Variants in OPCML observed in about 807,000 individuals in gnomAD.
The protein encoded by OPCML is opioid-binding protein/cell adhesion molecule.
In OPCML, 13 loss-of-function variants were observed where a neutral mutation model predicts 37.8. The observed-to-expected ratio is 0.34, with a 90% CI of 0.22 to 0.55. The LOEUF (loss-of-function observed/expected upper bound fraction) is 0.55. Ranked by LOEUF, OPCML falls within the 20% of genes least tolerant of loss-of-function variation. The pLI, the probability that OPCML is intolerant of heterozygous loss-of-function variation, is 0.91. For synonymous variants in OPCML, 176 were observed against 168.8 expected, an observed-to-expected ratio of 1.04 and a Z score of -0.33; for missense variants, 341 against 435.6, an observed-to-expected ratio of 0.78 and a Z score of 1.93.
chr11:132,728,420 G>A (rs1944962446), intron 2 of OPCML, among the ~76,000 whole-genome samples: 2 of 152,202 alleles, frequency 1.3e-5, no homozygotes, highest in Non-Finnish European at 2.9e-5. Flanking sequence ...AGAGACAAAA[G>A]ATGATGGAGC....
rs543040067 is a variant in OPCML, at chr11:132,451,495, G to T, written c.506-14136C>A. Among the ~76,000 whole-genome samples, 48 of 152,284 alleles carry T rather than the reference G, an allele frequency of 3.2e-4. No homozygotes were observed. In the South Asian group the frequency reaches 9.5e-3, roughly 30 times the overall value. On this transcript the variant is annotated intron_variant, in intron 4 of 7. Transcript: ENST00000524381. ...CCTTTATGCAGCTGGTCTGGCTTCTGTGTTGAAGAAAATACCCAGCTCTGG... is the reference window on the plus strand; with the variant it reads ...CCTTTATGCAGCTGGTCTGGCTTCTTTGTTGAAGAAAATACCCAGCTCTGG...
intron 1 of OPCML, among the ~76,000 whole-genome samples, chr11:133,036,528 T>C (rs1274839854): frequency 6.6e-6 from 1 of 152,248 alleles, no homozygotes; most frequent in South Asian, 2.1e-4. Flanking sequence ...TATTAAAGCA[T>C]ATCAAACACC....
At chr11:132,701,262 G>A (rs1051034243) in intron 2 of OPCML, among the ~76,000 whole-genome samples, 4 of 152,168 alleles carry the variant, frequency 2.6e-5, no homozygotes, top group African/African-American at 9.7e-5. Flanking sequence ...CAGATCTCAT[G>A]AGACTTATTC....
chr11:132,742,755 CTTATACG>C (rs1945474966), intron 2 of OPCML, among the ~76,000 whole-genome samples: 2 of 148,170 alleles, frequency 1.3e-5, no homozygotes, highest in South Asian at 2.1e-4. Flanking sequence ...ATATTATATA[CTTATACG>C]TTATATATAA....
intron 2 of OPCML, among the ~76,000 whole-genome samples, chr11:132,674,615 AG>A (rs796582635): frequency 6.6e-5 from 10 of 152,314 alleles, no homozygotes; most frequent in African/African-American, 2.2e-4. Flanking sequence ...GGTGACTTTG[AG>A]GGTGGTGATA....
chr11:132,714,787 A>G (rs1208670779), intron 2 of OPCML, among the ~76,000 whole-genome samples: 1 of 152,240 alleles, frequency 6.6e-6, no homozygotes, highest in African/African-American at 2.4e-5. Context: ...GGTGATACAG[A>G]AAGAAAATCC....
chr11:133,212,266 A>T lies in OPCML; in HGVS notation c.62-269256T>A, dbSNP rs1939394537. Reference sequence around the variant, plus strand: ...GATAGGTGCACAAAGTCCTCCTAATAGTCCGTGACAGCCTACACAGCTGGG... The same window carrying T: ...GATAGGTGCACAAAGTCCTCCTAATTGTCCGTGACAGCCTACACAGCTGGG... On this transcript the variant is annotated intron_variant, in intron 1 of 7. Transcript: ENST00000524381. The surrounding 1 kb of genome is among the most constrained non-coding windows in gnomAD (Gnocchi z 4.9). Among the ~76,000 whole-genome samples, 2 of 152,206 alleles carry T rather than the reference A, an allele frequency of 1.3e-5. No homozygotes were observed. The highest frequency in any genetic ancestry group is 4.1e-4 in the South Asian group (2 of 4,830).
chr11:132,769,746 G>A (rs575537460), intron 2 of OPCML, among the ~76,000 whole-genome samples: 4 of 152,188 alleles, frequency 2.6e-5, no homozygotes, highest in Non-Finnish European at 4.4e-5. Flanking sequence ...CTTAAAGGTC[G>A]AAGCACCGGA....
At chr11:133,410,721 A>AAGCAGT (rs1316613103) in intron 1 of OPCML, among the ~76,000 whole-genome samples, 12 of 149,694 alleles carry the variant, frequency 8.0e-5, no homozygotes, top group African/African-American at 2.9e-4. Flanking sequence ...GAGACAAAGC[A>AAGCAGT]AGCAGTAGCA....
chr11:132,754,836 C>T (rs575294011), intron 2 of OPCML, among the ~76,000 whole-genome samples: 2 of 152,210 alleles, frequency 1.3e-5, no homozygotes, highest in South Asian at 4.1e-4. Flanking sequence ...TTGGAAATGA[C>T]TTGGCTAGTT....
chr11:132,459,533 A>G (rs1190974113), intron 4 of OPCML, among the ~76,000 whole-genome samples: 1 of 148,884 alleles, frequency 6.7e-6, no homozygotes, highest in African/African-American at 2.4e-5. Context: ...ATACACACAT[A>G]TACATATATA....
intron 1 of OPCML, among the ~76,000 whole-genome samples, chr11:133,458,556 T>G (rs1485081020): frequency 8.7e-6 from 1 of 115,542 alleles, no homozygotes; most frequent in Non-Finnish European, 1.6e-5. Flanking sequence ...CACGTGTGTG[T>G]GTATACACAT....
intron 2 of OPCML, among the ~76,000 whole-genome samples, chr11:132,930,507 T>C (rs1272300056): frequency 6.6e-6 from 1 of 152,148 alleles, no homozygotes; most frequent in Admixed American, 6.5e-5. Context: ...AAATTAGAAC[T>C]AATAAATTAC....
chr11:132,644,908 C>T (rs1483675366), intron 3 of OPCML, among the ~76,000 whole-genome samples: 3 of 152,206 alleles, frequency 2.0e-5, no homozygotes, highest in Non-Finnish European at 4.4e-5. Flanking sequence ...GACAAAGAAT[C>T]AATAATCTAA....
intron 2 of OPCML, among the ~76,000 whole-genome samples, chr11:132,711,244 C>T (rs958006714): frequency 6.6e-5 from 10 of 152,100 alleles, no homozygotes; most frequent in African/African-American, 1.9e-4. Flanking sequence ...TCTCCGCAAG[C>T]GAGGACACTC....
intron 1 of OPCML, among the ~76,000 whole-genome samples, chr11:133,187,704 G>A (rs985702507): frequency 6.6e-6 from 1 of 152,136 alleles, no homozygotes; most frequent in African/African-American, 2.4e-5. Context: ...CCGTGCTTAG[G>A]AATGTTGAAA....
At chr11:132,579,798 C>T (rs191344075) in intron 3 of OPCML, among the ~76,000 whole-genome samples, 4 of 152,220 alleles carry the variant, frequency 2.6e-5, no homozygotes, top group Admixed American at 1.3e-4. Flanking sequence ...CAGTAAATTT[C>T]GCAGCAACTT....
intron 2 of OPCML, among the ~76,000 whole-genome samples, chr11:132,717,226 T>C (rs1031755238): frequency 6.6e-6 from 1 of 152,200 alleles, no homozygotes. Flanking sequence ...TAGAATCTAT[T>C]ATAAAGAAAT....
intron 1 of OPCML, among the ~76,000 whole-genome samples, chr11:133,040,903 A>G (rs1216968686): frequency 6.6e-6 from 1 of 152,216 alleles, no homozygotes; most frequent in Non-Finnish European, 1.5e-5. Context: ...TGTAGATTTC[A>G]TAATACAAAG....
Sources: allele counts gnomAD v4.1 joint callset (sites outside exome capture counted in the v4.1 genomes callset), GRCh38; gene constraint gnomAD v4.1.1; non-coding constraint Gnocchi (gnomAD v3.1); transcripts MANE v1.5; gene names NCBI Gene and HGNC (gene_info 2026-07-23, HGNC 2026-07-21).